The following FN1 variants were observed in gnomAD, a reference collection of about 807,000 sequenced individuals.
FN1 encodes the protein fibronectin.
In FN1, 106 loss-of-function variants were observed where a neutral mutation model predicts 297.3. The observed-to-expected ratio is 0.36, with a 90% CI of 0.30 to 0.42. The LOEUF (loss-of-function observed/expected upper bound fraction) is 0.42. FN1 is among the 10% of genes least tolerant of loss of function. The pLI is 1.00. For missense variants in FN1, 2,690 were observed against 3,124.9 expected (o/e 0.86, Z 3.32); for synonymous variants, 1,149 against 1,152.6 (o/e 1.00, Z 0.06).
intron 41 of FN1, 144 bp downstream of exon 41, chr2:215,370,150 G>A (rs1575225439): frequency 1.3e-6 from 1 of 783,698 alleles, no homozygotes. Flanking sequence ...TTAATATAAA[G>A]TTGCTCATTT....
At chr2:215,399,624 G>A (rs2060751016) in intron 20 of FN1, among the ~76,000 whole-genome samples, 1 of 152,162 alleles carries the variant, frequency 6.6e-6, no homozygotes, top group Non-Finnish European at 1.5e-5. Flanking sequence ...GACAAACACA[G>A]ATAATACCAA....
intron 31 of FN1, 147 bp downstream of exon 31, chr2:215,383,181 A>G: frequency 1.3e-6 from 1 of 762,890 alleles, no homozygotes. Flanking sequence ...ATTTTTTTGT[A>G]TTTTTTAGTA....
chr2:215,376,177 A>G (rs1207872743), intron 36 of FN1, among the ~76,000 whole-genome samples: 1 of 152,252 alleles, frequency 6.6e-6, no homozygotes, highest in Non-Finnish European at 1.5e-5. Context: ...TTTAATGCTA[A>G]GATCTATACA....
intron 2 of FN1, among the ~76,000 whole-genome samples, chr2:215,433,943 A>G (rs1390836155): frequency 1.3e-5 from 2 of 152,216 alleles, no homozygotes; most frequent in African/African-American, 4.8e-5. Flanking sequence ...CTCTACTAAA[A>G]ATATGAAAAT....
At chr2:215,414,681 A>G in intron 13 of FN1, 156 bp downstream of exon 13, 2 of 1,411,884 alleles carry the variant, frequency 1.4e-6, no homozygotes, top group Non-Finnish European at 1.9e-6. Flanking sequence ...AGTCAATTTA[A>G]TTGACCACAT....
intron 34 of FN1, 120 bp downstream of exon 34, chr2:215,379,010 T>C: frequency 1.0e-6 from 1 of 953,838 alleles, no homozygotes; most frequent in Non-Finnish European, 1.7e-6. Flanking sequence ...TACAATAAGA[T>C]TATTTGATGC....
chr2:215,375,268 G>C lies in FN1; in HGVS notation c.6103C>G (p.Pro2035Ala), dbSNP rs771812860. ...IIKYEKPGSP[P>A]REVVPRPRPG... ...CGGGGCCGAGGGACCACTTCTCTGG[G>C]AGGAGACCCAGGCTTCTCATACTTG... is the stretch of plus-strand genomic sequence containing the variant. Residue 2035 changes from proline to alanine, a missense_variant, in exon 38 of 46, where the codon CCC becomes GCC. Around this residue, in one of 3 missense-constraint regions of FN1, gnomAD observed 1,743 missense variants for 1,945.2 expected, o/e 0.90. Transcript: ENST00000354785. 10 of 1,614,034 alleles carry C rather than the reference G, an allele frequency of 6.2e-6. No individual in the cohort carries two copies. Among genetic ancestry groups the C allele is most frequent in the Non-Finnish European group, 8.5e-6 (10 of 1,180,028 alleles).
chr2:215,419,364 G>A lies in FN1; in HGVS notation c.1697C>T (p.Thr566Ile), dbSNP rs1337040995. 6.2e-7 allele frequency: 1 copy of A among 1,613,266 alleles called. No homozygotes were observed. The highest frequency in any genetic ancestry group is 8.5e-7 in the Non-Finnish European group (1 of 1,179,210). The change falls in exon 12 of 46, where the codon ACT becomes ATT. Residue 566 changes from threonine to isoleucine, a missense_variant. Physicochemically the swap from Thr to Ile is moderately conservative, Grantham distance 89 (BLOSUM62 -1). Coordinates refer to ENST00000354785, the MANE Select transcript of FN1 (RefSeq NM_212482.4). Reference protein sequence around the residue: ...DPVDQCQDSETGTFYQIGDSW... With the variant: ...DPVDQCQDSEIGTFYQIGDSW... ...ATCTCCAATTTGATAAAACGTCCCA[G>A]TCTCTGAATCCTGGCATTGGTCTAA...
chr2:215,435,332 C>T (rs1029943863), intron 1 of FN1, among the ~76,000 whole-genome samples: 5 of 152,150 alleles, frequency 3.3e-5, no homozygotes, highest in Non-Finnish European at 7.3e-5. Flanking sequence ...TAATCCCAGA[C>T]GGAAAATTTA....
At chr2:215,419,464 C>A in intron 11 of FN1, 79 bp from the exon 12 acceptor site, 4 of 1,197,484 alleles carry the variant, frequency 3.3e-6, no homozygotes, top group Non-Finnish European at 5.0e-6. Context: ...CTAGAGCATA[C>A]ATTTAGCTTA....
At chr2:215,370,502 A>G (rs754123567) in intron 40 of FN1, 70 bp from the exon 41 acceptor site, 2 of 1,287,602 alleles carry the variant, frequency 1.6e-6, no homozygotes, top group Non-Finnish European at 2.2e-6. Context: ...CTCTCCTCTT[A>G]CCAATAACCC....
intron 19 of FN1, 146 bp from the exon 20 acceptor site, chr2:215,404,801 T>C: frequency 1.3e-6 from 1 of 773,142 alleles, no homozygotes; most frequent in East Asian, 2.6e-5. Context: ...ACTGAGCCAG[T>C]AAGAGATTGA....
In FN1 at chr2:215,434,718, A is replaced by G; in HGVS notation, c.255T>C (p.Phe85=). The change falls in exon 2 of 46, where the codon TTT becomes TTC. Residue 85 remains phenylalanine, a synonymous_variant. Coordinates refer to ENST00000354785, the MANE Select transcript of FN1 (RefSeq NM_212482.4). ...TACCTTCAGGTTTACTCTCGCAGTT[A>G]AAACCTCGGCTTCCTCCATAACAAG... ...VCTCYGGSRG[F]NCESKPEAEE... The G allele has an allele frequency of 6.2e-7, 1 of 1,614,190 alleles. No individual in the cohort carries two copies. The highest frequency in any genetic ancestry group is 8.5e-7 in the Non-Finnish European group (1 of 1,180,028).
chr2:215,387,789 A>G (rs1194450475), intron 27 of FN1, among the ~76,000 whole-genome samples: 1 of 152,228 alleles, frequency 6.6e-6, no homozygotes, highest in East Asian at 1.9e-4. Context: ...AATATTTATG[A>G]GATTCAATTC....
intron 41 of FN1, 107 bp downstream of exon 41, chr2:215,370,187 T>C (rs1180546953): frequency 8.7e-7 from 1 of 1,145,322 alleles, no homozygotes; most frequent in South Asian, 1.3e-5. Flanking sequence ...TTGCATTAAA[T>C]CCCAAAGATA....
intron 38 of FN1, among the ~76,000 whole-genome samples, chr2:215,374,290 CCTT>C (rs1387340521): frequency 2.0e-5 from 3 of 152,260 alleles, no homozygotes; most frequent in South Asian, 4.1e-4. Context: ...GCCAGTGTCT[CCTT>C]CTAATGTCTG....
rs1034769355 is a variant in FN1, at chr2:215,435,953, G to C, written c.-151C>G. On this transcript the variant is annotated 5_prime_UTR_variant, in exon 1 of 46. Coordinates refer to ENST00000354785, the MANE Select transcript of FN1 (RefSeq NM_212482.4). ...GGGGCCAGAGGGTGGGGAAGGGGACGGGTGGAGGGACAGAAGGGATGCAGA... is the reference window on the plus strand; with the variant it reads ...GGGGCCAGAGGGTGGGGAAGGGGACCGGTGGAGGGACAGAAGGGATGCAGA... The C allele has an allele frequency of 7.0e-7, 1 of 1,426,630 alleles. No homozygotes were observed. Among genetic ancestry groups the C allele is most frequent in the Admixed American group, 2.7e-5 (1 of 36,898 alleles). 88.4% of individuals were successfully genotyped at this position (1,426,630 alleles called of 1,614,324 possible). A position where few individuals can be genotyped will look rare whatever the true frequency, so the allele number is the denominator to read the frequency against.
intron 2 of FN1, 107 bp from the exon 3 acceptor site, chr2:215,433,568 G>A: frequency 9.5e-7 from 1 of 1,053,294 alleles, no homozygotes; most frequent in African/African-American, 1.6e-5. Flanking sequence ...CAAGTAACAT[G>A]GTACACCTCA....
At position 215,423,459 on chromosome 2, in the gene FN1, G is replaced by C. The variant is rs1453926130; in HGVS notation, c.1284C>G (p.Asn428Lys). ...CAGAAGTGCAATCAGTGTAATTGTG[G>C]TTGTTGTATAGGAAGGGGAAGTGGC... is the stretch of plus-strand genomic sequence containing the variant. ...ALCHFPFLYN[N>K]HNYTDCTSEG... The change falls in exon 9 of 46, where the codon AAC becomes AAG. Residue 428 changes from asparagine (N) to lysine (K), a missense_variant. By Grantham distance (94) the Asn-to-Lys change is moderately conservative. Coordinates refer to ENST00000354785, the MANE Select transcript of FN1 (RefSeq NM_212482.4). 6.2e-7 allele frequency: 1 copy of C among 1,614,176 alleles called. No individual in the cohort carries two copies. Among genetic ancestry groups the C allele is most frequent in the East Asian group, 2.2e-5 (1 of 44,884 alleles).
Sources: gnomAD v4.1 joint callset for allele counts (sites outside exome capture counted in the v4.1 genomes callset) on GRCh38, gnomAD v4.1.1 for gene constraint, gnomAD v4.1.1 regional missense constraint, MANE v1.5 for transcripts, NCBI Gene and HGNC (gene_info 2026-07-23, HGNC 2026-07-21) for gene names.